The following ERC2 variants were observed in gnomAD, a reference collection of about 807,000 sequenced individuals.
ERC2 encodes the protein ERC protein 2.
Under a neutral mutation model 114.8 loss-of-function variants are expected in ERC2, and 42 were observed. The observed-to-expected ratio is 0.37, with a 90% CI of 0.29 to 0.47. The LOEUF (loss-of-function observed/expected upper bound fraction) is 0.47. Ranked by LOEUF, ERC2 falls within the 20% of genes least tolerant of loss-of-function variation. ERC2 has a pLI of 0.99. For synonymous variants in ERC2, 454 were observed against 425.5 expected (o/e 1.07, Z -0.82); for missense variants, 939 against 1,150.7 (o/e 0.82, Z 2.66).
chr3:56,066,069 T>C (rs1357389265), intron 7 of ERC2, among the ~76,000 whole-genome samples: 1 of 152,164 alleles, frequency 6.6e-6, no homozygotes, highest in Non-Finnish European at 1.5e-5. Flanking sequence ...TACCCAGTAA[T>C]GGGATTACTG....
intron 2 of ERC2, among the ~76,000 whole-genome samples, chr3:56,416,586 T>C (rs1247553439): frequency 6.7e-6 from 1 of 149,526 alleles, no homozygotes; most frequent in Non-Finnish European, 1.5e-5. Context: ...AGAACGCAAA[T>C]TCCACCAAAC....
At chr3:55,598,100 G>A (rs959661313) in intron 17 of ERC2, among the ~76,000 whole-genome samples, 2 of 152,192 alleles carry the variant, frequency 1.3e-5, no homozygotes, top group Middle Eastern at 3.2e-3. Context: ...ATTATGCGTG[G>A]AGGCTGCAAG....
chr3:56,459,408 C>T (rs1184678956), intron 1 of ERC2, among the ~76,000 whole-genome samples: 4 of 152,154 alleles, frequency 2.6e-5, no homozygotes, highest in Non-Finnish European at 5.9e-5. Flanking sequence ...GCTCCTAATG[C>T]ATTTAGGGTA....
At chr3:55,515,000 A>G (rs192432544) in intron 17 of ERC2, among the ~76,000 whole-genome samples, 75 of 152,370 alleles carry the variant, frequency 4.9e-4, no homozygotes, top group African/African-American at 1.8e-3. Flanking sequence ...GACAAGGTCC[A>G]TGCTTTCATG....
chr3:55,771,827 A>T lies in ERC2; in HGVS notation c.2565-36909T>A, dbSNP rs144551154. Among the ~76,000 whole-genome samples the T allele has an allele frequency of 3.5e-3, 538 of 152,332 alleles. 2 individuals carry two copies. The highest frequency in any genetic ancestry group is 0.012 in the African/African-American group (508 of 41,588). On this transcript the variant is annotated intron_variant, in intron 14 of 17. Transcript: ENST00000288221. ...GGCAGGCTCTCCACCTGTAATGGGA[A>T]ATAACCTTTGCACAGAGCACACAGG...
chr3:55,975,202 A>C (rs901994212), intron 12 of ERC2, among the ~76,000 whole-genome samples: 4 of 151,830 alleles, frequency 2.6e-5, no homozygotes, highest in African/African-American at 9.7e-5. Flanking sequence ...AAAAAAAAAA[A>C]CATGAATTAA....
At chr3:56,304,097 G>C (rs2056072015) in intron 2 of ERC2, among the ~76,000 whole-genome samples, 1 of 152,040 alleles carries the variant, frequency 6.6e-6, no homozygotes, top group Admixed American at 6.6e-5. Context: ...TTATCAACCA[G>C]ATCTGAAAAA....
At chr3:55,575,997 A>G (rs2056960271) in intron 17 of ERC2, among the ~76,000 whole-genome samples, 1 of 152,218 alleles carries the variant, frequency 6.6e-6, no homozygotes, top group Non-Finnish European at 1.5e-5. Context: ...TTTATAACTA[A>G]GCTATTTACC....
intron 2 of ERC2, among the ~76,000 whole-genome samples, chr3:56,304,844 T>C (rs1259941466): frequency 5.3e-5 from 8 of 152,174 alleles, no homozygotes; most frequent in Admixed American, 4.6e-4. Flanking sequence ...CTTTAACTTA[T>C]AGAGTATATC....
intron 2 of ERC2, among the ~76,000 whole-genome samples, chr3:56,332,310 T>C (rs2150460893): frequency 6.6e-6 from 1 of 152,028 alleles, no homozygotes; most frequent in East Asian, 1.9e-4. Flanking sequence ...AATCTCAGAG[T>C]CATCTCCATA....
intron 3 of ERC2, among the ~76,000 whole-genome samples, chr3:56,258,559 T>C (rs959844330): frequency 7.9e-5 from 12 of 151,920 alleles, no homozygotes; most frequent in African/African-American, 2.9e-4. Context: ...GAGGCTGAGG[T>C]AGGAGAATGG....
chr3:56,193,381 G>T (rs2150074739), intron 3 of ERC2, among the ~76,000 whole-genome samples: 1 of 152,164 alleles, frequency 6.6e-6, no homozygotes, highest in Non-Finnish European at 1.5e-5. Flanking sequence ...GGTGGCACAT[G>T]CATGTAATCC....
At chr3:56,076,988 T>C (rs2077006730) in intron 7 of ERC2, among the ~76,000 whole-genome samples, 1 of 152,158 alleles carries the variant, frequency 6.6e-6, no homozygotes, top group African/African-American at 2.4e-5. Context: ...AAAGAAATAT[T>C]AAGTAATACT....
chr3:55,754,304 C>T (rs1341271407), intron 14 of ERC2, among the ~76,000 whole-genome samples: 3 of 151,940 alleles, frequency 2.0e-5, no homozygotes, highest in African/African-American at 7.3e-5. Context: ...ATTCCACTGC[C>T]ACAGGCTTAA....
intron 17 of ERC2, among the ~76,000 whole-genome samples, chr3:55,592,526 A>G (rs906504907): frequency 2.6e-5 from 4 of 152,116 alleles, no homozygotes; most frequent in Non-Finnish European, 5.9e-5. Flanking sequence ...AAGGGAGGAG[A>G]GGGTAGAAAA....
intron 6 of ERC2, among the ~76,000 whole-genome samples, chr3:56,105,031 AAG>A (rs2078573793): frequency 6.6e-6 from 1 of 152,046 alleles, no homozygotes; most frequent in African/African-American, 2.4e-5. Context: ...TGAAGGAGGC[AAG>A]AGAGTTTGCA....
intron 1 of ERC2, among the ~76,000 whole-genome samples, chr3:56,454,540 G>A (rs1462242218): frequency 6.6e-6 from 1 of 152,160 alleles, no homozygotes; most frequent in Admixed American, 6.5e-5. Flanking sequence ...GTCCACTGAT[G>A]TTGAATGCAT....
At chr3:56,455,059 G>A (rs1445375938) in intron 1 of ERC2, among the ~76,000 whole-genome samples, 3 of 151,990 alleles carry the variant, frequency 2.0e-5, no homozygotes, top group African/African-American at 4.8e-5. Flanking sequence ...GGAATGTGGA[G>A]TTATTGTTTA....
At chr3:55,519,116 C>A (rs1438743592) in intron 17 of ERC2, among the ~76,000 whole-genome samples, 1 of 152,208 alleles carries the variant, frequency 6.6e-6, no homozygotes, top group African/African-American at 2.4e-5. Flanking sequence ...TACCTCTGCT[C>A]TCTGAGCTGC....
Sources: gnomAD v4.1 joint callset for allele counts (sites outside exome capture counted in the v4.1 genomes callset) on GRCh38, gnomAD v4.1.1 for gene constraint, MANE v1.5 for transcripts, NCBI Gene and HGNC (gene_info 2026-07-23, HGNC 2026-07-21) for gene names.